Variants in EEFSEC observed in about 807,000 individuals in gnomAD.
EEFSEC encodes the protein selenocysteine-specific elongation factor.
A neutral mutation model predicts 42.1 loss-of-function variants in EEFSEC; 43 were observed. The observed-to-expected ratio is 1.02, with a 90% CI of 0.80 to 1.32. The LOEUF is 1.32. Ranked by LOEUF, EEFSEC falls within the 40% of genes most tolerant of loss-of-function variation. EEFSEC has a pLI of 0.00. For missense variants in EEFSEC, 745 were observed against 803.6 expected (o/e 0.93, Z 0.88); for synonymous variants, 354 against 339.1 (o/e 1.04, Z -0.48).
At chr3:128,251,767 T>C (rs1339184133) in intron 2 of EEFSEC, among the ~76,000 whole-genome samples, 1 of 152,228 alleles carries the variant, frequency 6.6e-6, no homozygotes, top group Non-Finnish European at 1.5e-5. Flanking sequence ...TAGTTGCTTT[T>C]TTTGACATGC....
intron 1 of EEFSEC, among the ~76,000 whole-genome samples, chr3:128,220,454 CAG>C (rs2065850709): frequency 6.6e-6 from 1 of 152,276 alleles, no homozygotes; most frequent in Admixed American, 6.5e-5. Context: ...TGGGGCTTCA[CAG>C]AGAGAGTCAC....
At chr3:128,182,721 C>T (rs758505472) in intron 1 of EEFSEC, among the ~76,000 whole-genome samples, 4 of 152,166 alleles carry the variant, frequency 2.6e-5, no homozygotes, top group Non-Finnish European at 5.9e-5. Context: ...CCTGCTGGAA[C>T]CTGGGTGTCC....
intron 6 of EEFSEC, among the ~76,000 whole-genome samples, chr3:128,403,268 C>A (rs1220936995): frequency 6.6e-6 from 1 of 152,176 alleles, no homozygotes; most frequent in Non-Finnish European, 1.5e-5. Context: ...GACAGCAGCC[C>A]TGAGGCAGAG....
chr3:128,342,237 A>G (rs2067263767), intron 5 of EEFSEC, among the ~76,000 whole-genome samples: 1 of 152,204 alleles, frequency 6.6e-6, no homozygotes, highest in Non-Finnish European at 1.5e-5. Context: ...AGCGGTTAGC[A>G]CTGGCTTCCC....
At position 128,247,211 on chromosome 3, in the gene EEFSEC, G is replaced by A. The variant is rs557201656; in HGVS notation, c.524+168G>A. On this transcript the variant is annotated intron_variant, in intron 2 of 6. Transcript: ENST00000254730. Reference sequence around the variant, plus strand: ...TAAGGGCTGCATTAAATGAGGTAAAGGCTAACGTGTTTTTAAAAGAGGCCA... The same window carrying A: ...TAAGGGCTGCATTAAATGAGGTAAAAGCTAACGTGTTTTTAAAAGAGGCCA... Among the ~76,000 whole-genome samples, 7 of 152,258 alleles carry A rather than the reference G, an allele frequency of 4.6e-5. No individual in the cohort carries two copies. In the East Asian group the frequency reaches 1.2e-3, roughly 25 times the overall value.
At chr3:128,382,495 TGACAGGGGGGAG>T (rs952866129) in intron 6 of EEFSEC, among the ~76,000 whole-genome samples, 7 of 152,204 alleles carry the variant, frequency 4.6e-5, no homozygotes, top group African/African-American at 1.7e-4. Flanking sequence ...GGTGTGTTTT[TGACAGGGGGGAG>T]GTGAGTGAGA....
At chr3:128,241,815 CTGATCTCAT>C (rs1370127952) in intron 1 of EEFSEC, among the ~76,000 whole-genome samples, 6 of 152,212 alleles carry the variant, frequency 3.9e-5, no homozygotes, top group African/African-American at 1.4e-4. Context: ...GTTTACATAT[CTGATCTCAT>C]TGAATCTTCA....
the EEFSEC span, among the ~76,000 whole-genome samples, chr3:128,425,522 G>A: frequency 6.6e-6 from 1 of 152,242 alleles, no homozygotes; most frequent in African/African-American, 2.4e-5. Context: ...ACACCTCACC[G>A]TGGAAGGTCT....
chr3:128,249,121 T>G (rs1490693284), intron 2 of EEFSEC, among the ~76,000 whole-genome samples: 1 of 152,210 alleles, frequency 6.6e-6, no homozygotes, highest in Admixed American at 6.5e-5. Flanking sequence ...AAACCCTTCA[T>G]AAATGCCAGT....
rs942271653 is a variant in EEFSEC, at chr3:128,155,806, T to A, written c.316+1983T>A. On this transcript the variant is annotated intron_variant, in intron 1 of 6. Transcript: ENST00000254730. ...CAACTGTTTCATGTTACAGGCAGTC[T>A]GAGATCATTTCCCCATTTTACAGTA... 3.3e-5 allele frequency among the ~76,000 whole-genome samples: 5 copies of A among 152,230 alleles called. No homozygotes were observed. The East Asian group carries it at 9.6e-4, about 29-fold the overall frequency.
intron 4 of EEFSEC, among the ~76,000 whole-genome samples, chr3:128,298,358 G>C (rs2066731598): frequency 1.3e-5 from 2 of 152,148 alleles, no homozygotes; most frequent in Non-Finnish European, 2.9e-5. Context: ...GTGTTGCCCA[G>C]GCTGGTCTCA....
At chr3:128,390,840 C>T (rs1373648775) in intron 6 of EEFSEC, among the ~76,000 whole-genome samples, 2 of 152,258 alleles carry the variant, frequency 1.3e-5, no homozygotes, top group Non-Finnish European at 2.9e-5. Flanking sequence ...TCTCCCCACA[C>T]GCTGGCCCCA....
In EEFSEC at chr3:128,341,640, C is replaced by A; in HGVS notation, c.1194C>A (p.Ala398=). Reference sequence around the variant, plus strand: ...ACAATGATGAGGCCGACAAGAAGGCCGGCCAGGCCACAGAGGGCCATTGTC... The same window carrying A: ...ACAATGATGAGGCCGACAAGAAGGCAGGCCAGGCCACAGAGGGCCATTGTC... ...VTDNDEADKK[A]GQATEGHCPR... Residue 398 remains alanine (A), a synonymous_variant, in exon 5 of 7, where the codon GCC becomes GCA. Transcript: ENST00000254730. 6.2e-7 allele frequency: 1 copy of A among 1,614,086 alleles called. No homozygotes were observed. The highest frequency in any genetic ancestry group is 1.1e-5 in the South Asian group (1 of 91,086).
chr3:128,299,731 T>C (rs1026967831), intron 4 of EEFSEC, among the ~76,000 whole-genome samples: 2 of 152,228 alleles, frequency 1.3e-5, no homozygotes, highest in African/African-American at 2.4e-5. Context: ...CTCTATGAGC[T>C]TTACTTCCCT....
rs574166673 is a variant in EEFSEC at position 128,248,009 on chromosome 3, G to A, written c.524+966G>A. The stretch of plus-strand genomic sequence containing the variant: ...GTGCTACCTAGAAGGGCAGGGGTGC[G>A]GGAGGCACAGGGGGACTGTGAGACA... On this transcript the variant is annotated intron_variant, in intron 2 of 6. Transcript: ENST00000254730. 5.9e-5 allele frequency among the ~76,000 whole-genome samples: 9 copies of A among 152,316 alleles called. No individual in the cohort carries two copies. In the South Asian group the frequency reaches 6.2e-4, roughly 11 times the overall value.
At chr3:128,350,814 G>A (rs545820143) in intron 5 of EEFSEC, among the ~76,000 whole-genome samples, 33 of 152,288 alleles carry the variant, frequency 2.2e-4, no homozygotes, top group African/African-American at 7.0e-4. Context: ...CTGGTCAGGC[G>A]TTGATGAGAC....
the EEFSEC span, among the ~76,000 whole-genome samples, chr3:128,422,602 C>T: frequency 2.6e-5 from 4 of 152,362 alleles, no homozygotes; most frequent in East Asian, 3.9e-4. Context: ...GGCTGCTCTC[C>T]GTGGCTGGCC....
the EEFSEC span, among the ~76,000 whole-genome samples, chr3:128,424,883 A>G: frequency 3.4e-4 from 52 of 151,834 alleles, no homozygotes; most frequent in African/African-American, 1.2e-3. Flanking sequence ...TCTGTGGGCC[A>G]GTTCTAAAGC....
At chr3:128,316,941 C>T (rs2066952915) in intron 4 of EEFSEC, among the ~76,000 whole-genome samples, 1 of 152,204 alleles carries the variant, frequency 6.6e-6, no homozygotes, top group Non-Finnish European at 1.5e-5. Context: ...TAATATATGG[C>T]ACCACTATTT....
Sources: gnomAD v4.1 joint callset for allele counts (sites outside exome capture counted in the v4.1 genomes callset) on GRCh38, gnomAD v4.1.1 for gene constraint, MANE v1.5 for transcripts, NCBI Gene and HGNC (gene_info 2026-07-23, HGNC 2026-07-21) for gene names.